Variants in NTRK3 observed in about 807,000 individuals in gnomAD.
The protein encoded by NTRK3 is neurotrophic receptor tyrosine kinase 3.
A neutral mutation model predicts 91.7 loss-of-function variants in NTRK3; 24 were observed. That is an observed-to-expected ratio of 0.26 (90% CI 0.19 to 0.37). NTRK3 has a LOEUF of 0.37. Among genes scored for constraint, NTRK3 ranks in the 10% least tolerant of loss-of-function variants. The pLI, the probability that NTRK3 is intolerant of heterozygous loss-of-function variation, is 1.00. For missense variants in NTRK3, 880 were observed against 1,068.9 expected (o/e 0.82, Z 2.46); for synonymous variants, 483 against 404.0 (o/e 1.20, Z -2.34).
intron 13 of NTRK3, among the ~76,000 whole-genome samples, chr15:88,072,159 C>T (rs947733391): frequency 1.3e-5 from 2 of 151,958 alleles, no homozygotes; most frequent in Non-Finnish European, 2.9e-5. Flanking sequence ...GCACCGCCAC[C>T]ATGCCTGGCT....
intron 13 of NTRK3, among the ~76,000 whole-genome samples, chr15:88,107,688 C>T (rs1048987729): frequency 6.6e-6 from 1 of 152,130 alleles, no homozygotes; most frequent in Non-Finnish European, 1.5e-5. Flanking sequence ...TCCATTTGCA[C>T]ACAGATGTGT....
intron 3 of NTRK3, among the ~76,000 whole-genome samples, chr15:88,244,796 C>T (rs1299731521): frequency 6.6e-6 from 1 of 152,220 alleles, no homozygotes; most frequent in African/African-American, 2.4e-5. Flanking sequence ...CTGAAGCCCC[C>T]TCTTCAGACA....
chr15:88,147,515 CTTCTTCTTCTTCTTCTTCT>C, intron 5 of NTRK3, 112 bp from the exon 6 acceptor site: 1 of 327,412 alleles, frequency 3.1e-6, no homozygotes, highest in Non-Finnish European at 4.9e-6. Flanking sequence ...CCTTCTTCTT[CTTCTTCTTCTTCTTCTTCT>C]TCTTCTTCTT....
intron 3 of NTRK3, among the ~76,000 whole-genome samples, chr15:88,196,796 A>G (rs2047860138): frequency 6.6e-6 from 1 of 152,146 alleles, no homozygotes; most frequent in South Asian, 2.1e-4. Flanking sequence ...GACTTCAATT[A>G]CTGCCTAATT....
chr15:88,018,183 G>C (rs185530091), intron 14 of NTRK3, among the ~76,000 whole-genome samples: 1 of 152,208 alleles, frequency 6.6e-6, no homozygotes, highest in East Asian at 1.9e-4. Context: ...CTGCTTCTGG[G>C]AGGCCTGCCT....
intron 5 of NTRK3, among the ~76,000 whole-genome samples, chr15:88,148,633 C>T (rs1382805907): frequency 6.6e-6 from 1 of 152,126 alleles, no homozygotes; most frequent in African/African-American, 2.4e-5. Context: ...GGGGGAGAGG[C>T]ATTCACGCCA....
chr15:88,033,092 C>A (rs767300836), intron 13 of NTRK3, 47 bp from the exon 14 acceptor site: 4 of 1,534,180 alleles, frequency 2.6e-6, no homozygotes, highest in Non-Finnish European at 3.5e-6. Flanking sequence ...TCACATCCGG[C>A]CAGTTTCCAG....
chr15:88,193,450 G>C (rs1333027892), intron 3 of NTRK3, among the ~76,000 whole-genome samples: 2 of 152,040 alleles, frequency 1.3e-5, no homozygotes, highest in African/African-American at 2.4e-5. Context: ...GGAAGTAGGA[G>C]GGCCCTACAC....
At position 88,255,745 on chromosome 15, in the gene NTRK3, C is replaced by A. The variant is rs1188813022; in HGVS notation, c.248+161G>T. On this transcript the variant is annotated intron_variant, in intron 3 of 18. Coordinates refer to ENST00000394480, the Ensembl canonical transcript of NTRK3. The surrounding 1 kb of genome is among the most constrained non-coding windows in gnomAD (Gnocchi z 4.3). ...GCCGGAGTCACCTGGAATGCGCAGC[C>A]GGAGAGCATCTCCCGAGCCAGAGCG... Among the ~76,000 whole-genome samples, 1 of 152,044 alleles carries A rather than the reference C, an allele frequency of 6.6e-6. No individual in the cohort carries two copies. The highest frequency in any genetic ancestry group is 1.5e-5 in the Non-Finnish European group (1 of 67,994).
intron 17 of NTRK3, among the ~76,000 whole-genome samples, chr15:87,904,453 G>A (rs1005051172): frequency 6.6e-6 from 1 of 152,162 alleles, no homozygotes; most frequent in African/African-American, 2.4e-5. Flanking sequence ...ACCACGCCCA[G>A]CCACAATAAG....
intron 13 of NTRK3, among the ~76,000 whole-genome samples, chr15:88,056,083 C>T (rs2045649507): frequency 6.6e-6 from 1 of 151,172 alleles, no homozygotes; most frequent in South Asian, 2.1e-4. Context: ...ATGGCAGGCC[C>T]CTGGGTTCTG....
intron 14 of NTRK3, chr15:87,978,591 G>C (rs1311827336): frequency 4.3e-6 from 1 of 230,418 alleles, no homozygotes; most frequent in African/African-American, 2.2e-5. Flanking sequence ...CAGATCTAAG[G>C]GCCCAGGAAG....
At chr15:88,171,411 C>A (rs1430186345) in intron 5 of NTRK3, among the ~76,000 whole-genome samples, 3 of 152,178 alleles carry the variant, frequency 2.0e-5, no homozygotes, top group Non-Finnish European at 4.4e-5. Context: ...CAGATCCCCA[C>A]CCCGGCTCTG....
chr15:87,970,105 C>T (rs905953978), intron 14 of NTRK3, among the ~76,000 whole-genome samples: 4 of 152,164 alleles, frequency 2.6e-5, no homozygotes, highest in African/African-American at 9.7e-5. Context: ...ACTAGCTACT[C>T]AGAGACAAAT....
chr15:88,004,422 T>C (rs1475422772), intron 14 of NTRK3, among the ~76,000 whole-genome samples: 3 of 152,148 alleles, frequency 2.0e-5, no homozygotes, highest in Non-Finnish European at 2.9e-5. Context: ...AGGGGAATGT[T>C]TTTCATCAAT....
chr15:88,103,691 A>G (rs16941255), intron 13 of NTRK3, among the ~76,000 whole-genome samples: 67,031 of 151,888 alleles, frequency 0.44, 15,039 homozygotes, highest in Non-Finnish European at 0.47. Context: ...TGACCTTGAA[A>G]GGGCACAGTT....
At chr15:88,038,621 G>A (rs2079291303) in intron 13 of NTRK3, among the ~76,000 whole-genome samples, 1 of 152,184 alleles carries the variant, frequency 6.6e-6, no homozygotes, top group Admixed American at 6.5e-5. Flanking sequence ...GAGGGAGGCT[G>A]TGCATGGGTA....
At chr15:88,163,041 T>A (rs2044613457) in intron 5 of NTRK3, among the ~76,000 whole-genome samples, 1 of 152,116 alleles carries the variant, frequency 6.6e-6, no homozygotes, top group Non-Finnish European at 1.5e-5. Context: ...CACCTGAGTA[T>A]CTGGATGTCT....
chr15:87,968,107 G>T (rs568470191), intron 14 of NTRK3, among the ~76,000 whole-genome samples: 1 of 152,100 alleles, frequency 6.6e-6, no homozygotes, highest in Non-Finnish European at 1.5e-5. Context: ...CTCGTGTCTC[G>T]CAGGTATTAT....
Sources: allele counts gnomAD v4.1 joint callset (sites outside exome capture counted in the v4.1 genomes callset), GRCh38; gene constraint gnomAD v4.1.1; non-coding constraint Gnocchi (gnomAD v3.1); transcripts MANE v1.5; gene names NCBI Gene and HGNC (gene_info 2026-07-23, HGNC 2026-07-21).